GTF2H5: variants seen among roughly 807,000 people sequenced by gnomAD.
The protein encoded by GTF2H5 is general transcription factor IIH subunit 5.
GTF2H5 carries 5 observed loss-of-function variants against 7.1 expected under a neutral mutation model. That is an observed-to-expected ratio of 0.71 (90% CI 0.37 to 1.49). The LOEUF is 1.49. Among genes scored for constraint, GTF2H5 ranks in the 40% most tolerant of loss-of-function variants. GTF2H5 has a pLI of 0.03. For missense variants in GTF2H5, 80 were observed against 83.0 expected, an observed-to-expected ratio of 0.96 and a Z score of 0.14; for synonymous variants, 30 against 31.7, an observed-to-expected ratio of 0.95 and a Z score of 0.18.
intron 2 of GTF2H5, among the ~76,000 whole-genome samples, chr6:158,183,237 A>T (rs1786033666): frequency 6.6e-6 from 1 of 152,078 alleles, no homozygotes; most frequent in African/African-American, 2.4e-5. Context: ...TTGCTGCCTG[A>T]TCCTTCCTCT....
At chr6:158,188,165 G>A (rs1199738713) in intron 2 of GTF2H5, among the ~76,000 whole-genome samples, 3 of 152,222 alleles carry the variant, frequency 2.0e-5, no homozygotes, top group East Asian at 1.9e-4. Flanking sequence ...TGGGCACCAC[G>A]GTCATATGAG....
chr6:158,185,401 A>T (rs1194521698), intron 2 of GTF2H5, among the ~76,000 whole-genome samples: 1 of 152,046 alleles, frequency 6.6e-6, no homozygotes, highest in Admixed American at 6.6e-5. Context: ...TTAGCCAGGC[A>T]TGGTGGCGTG....
rs1389484356 is a variant in GTF2H5, at chr6:158,198,430, TTA to T, written c.*6275_*6276del. 1.3e-5 allele frequency: 2 copies of T among 152,180 alleles called. No homozygotes were observed. The highest frequency in any genetic ancestry group is 4.8e-5 in the African/African-American group (2 of 41,428). The allele number at this position is 152,180 out of a possible 1,614,324, so 9.4% of individuals were successfully genotyped here. A position where few individuals can be genotyped will look rare whatever the true frequency, so the allele number is the denominator to read the frequency against. Reference sequence around the variant, plus strand: ...ACATTTACTGAGTCCAGTTTGGACTTTATTTTATTTTATTTTTTTTGAAACAA... The same window carrying T: ...ACATTTACTGAGTCCAGTTTGGACTTTTTTATTTTATTTTTTTTGAAACAA... On this transcript the variant is annotated 3_prime_UTR_variant, in exon 3 of 3. Transcript: ENST00000607778.
intron 2 of GTF2H5, among the ~76,000 whole-genome samples, chr6:158,178,456 C>CAAAA (rs34745319): frequency 4.5e-5 from 4 of 88,480 alleles, no homozygotes; most frequent in Non-Finnish European, 6.6e-5. Flanking sequence ...GACTCCATCT[C>CAAAA]AAAAAAAAAA....
In GTF2H5 at chr6:158,169,738, TTA is replaced by T. The variant is rs1275476463; in HGVS notation, c.-34-726_-34-725del. On this transcript the variant is annotated intron_variant, in intron 1 of 2. Transcript: ENST00000607778. ...TATATATTATATAATATATTGTATA[TTA>T]TATATTATATAATATATTGTATATT... Among the ~76,000 whole-genome samples the T allele has an allele frequency of 4.1e-5, 4 of 98,586 alleles. No individual in the cohort carries two copies. The South Asian group carries it at 1.0e-3, about 25-fold the overall frequency. 64.7% of individuals were successfully genotyped at this position (98,586 alleles called of 152,430 possible). A position where few individuals can be genotyped will look rare whatever the true frequency, so the allele number is the denominator to read the frequency against.
Position 158,197,032 on chromosome 6 carries a change from G to A in GTF2H5, c.*4875G>A, listed in dbSNP as rs1433787171. ...CCCAGGTCAGCTGCAGACAAAAGCA[G>A]AGCTTTCGATGGAAATGTCAAACAA... is the stretch of plus-strand genomic sequence containing the variant. On this transcript the variant is annotated 3_prime_UTR_variant, in exon 3 of 3. Transcript: ENST00000607778. 4 of 152,250 alleles carry A rather than the reference G, an allele frequency of 2.6e-5. No homozygotes were observed. The highest frequency in any genetic ancestry group is 9.6e-5 in the African/African-American group (4 of 41,460). The allele number at this position is 152,250 out of a possible 1,614,324, so 9.4% of individuals were successfully genotyped here.
intron 2 of GTF2H5, among the ~76,000 whole-genome samples, chr6:158,189,656 T>C (rs1461497061): frequency 6.6e-6 from 1 of 152,188 alleles, no homozygotes; most frequent in East Asian, 1.9e-4. Flanking sequence ...AGACCTATGG[T>C]CTGTTGATAT....
intron 2 of GTF2H5, among the ~76,000 whole-genome samples, chr6:158,185,532 C>A (rs1776904578): frequency 6.9e-6 from 1 of 145,502 alleles, no homozygotes; most frequent in Non-Finnish European, 1.5e-5. Flanking sequence ...CAGAGTGAGG[C>A]CCTGTCTCAA....
intron 1 of GTF2H5, among the ~76,000 whole-genome samples, chr6:158,168,713 G>T (rs954776879): frequency 2.6e-5 from 4 of 152,242 alleles, no homozygotes; most frequent in Admixed American, 2.6e-4. Context: ...TTTAGTGAAG[G>T]GGCACAAGAT....
rs892884989 is a variant in GTF2H5 at position 158,195,514 on chromosome 6, C to T, written c.*3357C>T. On this transcript the variant is annotated 3_prime_UTR_variant, in exon 3 of 3. Coordinates refer to ENST00000607778, the MANE Select transcript of GTF2H5 (RefSeq NM_207118.3). ...ATTTTGAGAAATCAGTTTTGGTGAA[C>T]AGTAACAGCATTACTGATAATAGGC... The T allele has an allele frequency of 2.0e-5, 3 of 152,106 alleles. No individual in the cohort carries two copies. The highest frequency in any genetic ancestry group is 4.4e-5 in the Non-Finnish European group (3 of 67,998). The allele number at this position is 152,106 out of a possible 1,614,324, so 9.4% of individuals were successfully genotyped here.
chr6:158,197,048 T>C lies in GTF2H5; in HGVS notation c.*4891T>C, dbSNP rs963642391. The stretch of plus-strand genomic sequence containing the variant: ...ACAAAAGCAGAGCTTTCGATGGAAA[T>C]GTCAAACAAGTGAGATCAAGATCCT... On this transcript the variant is annotated 3_prime_UTR_variant, in exon 3 of 3. Transcript: ENST00000607778. 6.6e-6 allele frequency: 1 copy of C among 152,222 alleles called. No individual in the cohort carries two copies. Among genetic ancestry groups the C allele is most frequent in the Admixed American group, 6.5e-5 (1 of 15,276 alleles). The allele number at this position is 152,222 out of a possible 1,614,324, so 9.4% of individuals were successfully genotyped here. A position where few individuals can be genotyped will look rare whatever the true frequency, so the allele number is the denominator to read the frequency against.
chr6:158,196,742 C>A lies in GTF2H5; in HGVS notation c.*4585C>A, dbSNP rs549408726. On this transcript the variant is annotated 3_prime_UTR_variant, in exon 3 of 3. Coordinates refer to ENST00000607778, the MANE Select transcript of GTF2H5 (RefSeq NM_207118.3). ...CTTTGCAAAAAGTTTATGGGAACAACGCCCCAAGGAAATCAGTTTACAAAT... is the reference window on the plus strand; with the variant it reads ...CTTTGCAAAAAGTTTATGGGAACAAAGCCCCAAGGAAATCAGTTTACAAAT... 1.3e-5 allele frequency: 2 copies of A among 152,140 alleles called. No individual in the cohort carries two copies. Among genetic ancestry groups the A allele is most frequent in the African/African-American group, 2.4e-5 (1 of 41,416 alleles). 9.4% of individuals were successfully genotyped at this position (152,140 alleles called of 1,614,324 possible).
At chr6:158,190,326 G>A (rs1294773408) in intron 2 of GTF2H5, among the ~76,000 whole-genome samples, 1 of 152,074 alleles carries the variant, frequency 6.6e-6, no homozygotes, top group African/African-American at 2.4e-5. Flanking sequence ...CTTTCTCAAA[G>A]CTCATGTCCA....
rs1777073380 is a variant in GTF2H5, at chr6:158,194,290, C to T, written c.*2133C>T. The T allele has an allele frequency of 6.6e-6, 1 of 152,262 alleles. No homozygotes were observed. The highest frequency in any genetic ancestry group is 2.4e-5 in the African/African-American group (1 of 41,566). The allele number at this position is 152,262 out of a possible 1,614,324, so 9.4% of individuals were successfully genotyped here. A position where few individuals can be genotyped will look rare whatever the true frequency, so the allele number is the denominator to read the frequency against. ...ACACTTTGAGACGAATTTAAAAGTCCTTTATTTAGCTGGCAGCCAAGAGGT... is the reference window on the plus strand; with the variant it reads ...ACACTTTGAGACGAATTTAAAAGTCTTTTATTTAGCTGGCAGCCAAGAGGT... On this transcript the variant is annotated 3_prime_UTR_variant, in exon 3 of 3. Transcript: ENST00000607778.
chr6:158,169,838 TAC>T (rs34582974), intron 1 of GTF2H5, among the ~76,000 whole-genome samples: 76 of 116,210 alleles, frequency 6.5e-4, no homozygotes, highest in African/African-American at 1.4e-3. Context: ...TGTATATATA[TAC>T]ACACACACAC....
chr6:158,170,200 G>T (rs558391836), intron 1 of GTF2H5, among the ~76,000 whole-genome samples: 2 of 152,098 alleles, frequency 1.3e-5, no homozygotes, highest in Admixed American at 1.3e-4. Context: ...GGGCACACTG[G>T]TGTAGAGTTA....
In GTF2H5 at chr6:158,198,190, C is replaced by G. The variant is rs1777141656; in HGVS notation, c.*6033C>G. The G allele has an allele frequency of 6.6e-6, 1 of 152,172 alleles. No homozygotes were observed. Among genetic ancestry groups the G allele is most frequent in the Admixed American group, 6.5e-5 (1 of 15,274 alleles). The allele number at this position is 152,172 out of a possible 1,614,324, so 9.4% of individuals were successfully genotyped here. Reference sequence around the variant, plus strand: ...ACTAACAGATGAAGGAGGAGAATCCCTAAAAACAGAGCATTGGGTAGCTAG... The same window carrying G: ...ACTAACAGATGAAGGAGGAGAATCCGTAAAAACAGAGCATTGGGTAGCTAG... On this transcript the variant is annotated 3_prime_UTR_variant, in exon 3 of 3. Transcript: ENST00000607778.
intron 2 of GTF2H5, among the ~76,000 whole-genome samples, chr6:158,189,062 C>G (rs1229879690): frequency 6.6e-6 from 1 of 151,806 alleles, no homozygotes; most frequent in Non-Finnish European, 1.5e-5. Context: ...TTTTCCTTCC[C>G]CCACCCACCT....
At chr6:158,177,514 G>C (rs1785949588) in intron 2 of GTF2H5, among the ~76,000 whole-genome samples, 2 of 152,212 alleles carry the variant, frequency 1.3e-5, no homozygotes, top group Admixed American at 6.5e-5. Context: ...CAGGGATAAG[G>C]TATGCAGGCT....
Sources: allele counts gnomAD v4.1 joint callset (sites outside exome capture counted in the v4.1 genomes callset), GRCh38; gene constraint gnomAD v4.1.1; transcripts MANE v1.5; gene names NCBI Gene and HGNC (gene_info 2026-07-23, HGNC 2026-07-21).